The following TEX36 variants were observed in gnomAD, a reference collection of about 807,000 sequenced individuals.
The protein encoded by TEX36 is testis expressed 36, also known as testis-expressed protein 36.
A neutral mutation model predicts 13.6 loss-of-function variants in TEX36; 12 were observed. The observed-to-expected ratio is 0.88, with a 90% CI of 0.56 to 1.43. The LOEUF (loss-of-function observed/expected upper bound fraction) is 1.43, where lower values mean the gene tolerates loss of function less well. TEX36 is among the 40% of genes most tolerant of loss of function. TEX36 has a pLI of 0.00. For missense variants in TEX36, 224 were observed against 228.3 expected, an observed-to-expected ratio of 0.98 and a Z score of 0.12; for synonymous variants, 93 against 83.0, an observed-to-expected ratio of 1.12 and a Z score of -0.65.
intron 3 of TEX36, among the ~76,000 whole-genome samples, chr10:125,642,127 GAAAGGAGAGAAGAGGCAGA>G (rs1846701358): frequency 6.6e-6 from 1 of 152,204 alleles, no homozygotes; most frequent in African/African-American, 2.4e-5. Flanking sequence ...TTTGGGCAGA[GAAAGGAGAGAAGAGGCAGA>G]AGGCTCCACA....
At chr10:125,622,468 C>T (rs937002488) in intron 3 of TEX36, among the ~76,000 whole-genome samples, 7 of 152,188 alleles carry the variant, frequency 4.6e-5, no homozygotes, top group Admixed American at 3.9e-4. Flanking sequence ...TTGATGACTA[C>T]CTTCTTCTAC....
intron 3 of TEX36, among the ~76,000 whole-genome samples, chr10:125,611,506 T>A (rs1380993457): frequency 6.6e-6 from 1 of 152,210 alleles, no homozygotes; most frequent in East Asian, 1.9e-4. Flanking sequence ...TATTTACTTG[T>A]TTTAATGTGT....
chr10:125,600,681 T>C (rs545243484), intron 3 of TEX36, among the ~76,000 whole-genome samples: 2 of 152,302 alleles, frequency 1.3e-5, no homozygotes, highest in South Asian at 2.1e-4. Flanking sequence ...CTCTATGCAA[T>C]GGCCTTTGAG....
chr10:125,625,977 T>C (rs1195492763), intron 3 of TEX36, among the ~76,000 whole-genome samples: 1 of 152,156 alleles, frequency 6.6e-6, no homozygotes, highest in Non-Finnish European at 1.5e-5. Flanking sequence ...AAGGAGGCAT[T>C]ACCCATCACC....
intron 3 of TEX36, 53 bp from the exon 4 acceptor site, chr10:125,656,249 C>CTTTTTTT (rs66461124): frequency 5.3e-5 from 14 of 262,644 alleles, no homozygotes; most frequent in Admixed American, 1.0e-4. Context: ...TCACATAGTT[C>CTTTTTTT]TTTTTTTTTT....
intron 3 of TEX36, among the ~76,000 whole-genome samples, chr10:125,630,138 C>T (rs945428263): frequency 2.6e-5 from 4 of 152,190 alleles, no homozygotes; most frequent in African/African-American, 7.2e-5. Context: ...TCAATGTGCT[C>T]ATATTTAATG....
chr10:125,679,240 C>G (rs1847359270), intron 1 of TEX36, among the ~76,000 whole-genome samples: 1 of 151,698 alleles, frequency 6.6e-6, no homozygotes, highest in African/African-American at 2.4e-5. Flanking sequence ...GCACCAGCAG[C>G]TGCAGCTGCA....
chr10:125,637,308 CAA>C (rs758842533), intron 3 of TEX36, among the ~76,000 whole-genome samples: 31 of 99,258 alleles, frequency 3.1e-4, no homozygotes, highest in Non-Finnish European at 2.1e-4. Context: ...GACCCTGTCT[CAA>C]AAAAAAAAAA....
chr10:125,625,720 A>G (rs1321645852), intron 3 of TEX36, among the ~76,000 whole-genome samples: 2 of 152,282 alleles, frequency 1.3e-5, no homozygotes, highest in South Asian at 4.1e-4. Context: ...AGCAAGGAAC[A>G]GAACGTTGCC....
chr10:125,657,291 T>C (rs1846962957), intron 3 of TEX36, among the ~76,000 whole-genome samples: 1 of 152,106 alleles, frequency 6.6e-6, no homozygotes, highest in East Asian at 1.9e-4. Flanking sequence ...TACATACGTG[T>C]GGGTGTGTGT....
At chr10:125,608,374 A>G (rs1846241856) in intron 3 of TEX36, among the ~76,000 whole-genome samples, 1 of 152,246 alleles carries the variant, frequency 6.6e-6, no homozygotes, top group Non-Finnish European at 1.5e-5. Context: ...ATTGTAACTT[A>G]GTAAACTGAC....
intron 3 of TEX36, among the ~76,000 whole-genome samples, chr10:125,623,514 G>A (rs767485651): frequency 7.4e-5 from 11 of 149,548 alleles, no homozygotes; most frequent in Non-Finnish European, 1.6e-4. Context: ...GCTCATGACT[G>A]TTTAGTAATA....
rs1042946625 is a variant in TEX36 at position 125,585,520 on chromosome 10, A to T, written c.265-8646T>A. Among the ~76,000 whole-genome samples, 15 of 151,542 alleles carry T rather than the reference A, an allele frequency of 9.9e-5. No individual in the cohort carries two copies. In the East Asian group the frequency reaches 1.6e-3, roughly 16 times the overall value. Reference sequence around the variant, plus strand: ...CCCAAGGTGGATCAAAGAAACTAGAACTCCTCTACCCCAAAGCTAGCCATA... The same window carrying T: ...CCCAAGGTGGATCAAAGAAACTAGATCTCCTCTACCCCAAAGCTAGCCATA... On this transcript the variant is annotated intron_variant, in intron 3 of 3. Coordinates refer to the TEX36 transcript ENST00000532135.
In TEX36 at chr10:125,629,553, G is replaced by A. The variant is rs1037893040; in HGVS notation, c.265-7908C>T. On this transcript the variant is annotated intron_variant, in intron 3 of 3. Coordinates refer to the TEX36 transcript ENST00000526819. ...GTAAATAGCACATCTGCATTCATTC[G>A]GTGATATAAAGTCAGGAAATGTTTA... is the stretch of plus-strand genomic sequence containing the variant. 6.6e-5 allele frequency among the ~76,000 whole-genome samples: 10 copies of A among 151,838 alleles called. No homozygotes were observed. In the South Asian group the frequency reaches 8.4e-4, roughly 13 times the overall value.
intron 3 of TEX36, among the ~76,000 whole-genome samples, chr10:125,642,796 G>T (rs1238627736): frequency 1.3e-5 from 2 of 152,200 alleles, no homozygotes; most frequent in Non-Finnish European, 2.9e-5. Flanking sequence ...CCAGGCCTCA[G>T]ACAAGAGGTC....
chr10:125,603,268 G>A (rs1435055877), intron 3 of TEX36, among the ~76,000 whole-genome samples: 1 of 152,172 alleles, frequency 6.6e-6, no homozygotes, highest in Non-Finnish European at 1.5e-5. Flanking sequence ...TTTCCACTTT[G>A]ATTTCTCCGA....
intron 3 of TEX36, among the ~76,000 whole-genome samples, chr10:125,599,574 C>A (rs1376997553): frequency 6.6e-6 from 1 of 152,162 alleles, no homozygotes; most frequent in Non-Finnish European, 1.5e-5. Context: ...ATGGAAATTG[C>A]CCATCTGCTT....
intron 3 of TEX36, among the ~76,000 whole-genome samples, chr10:125,640,526 G>C (rs1197623559): frequency 3.3e-5 from 5 of 152,174 alleles, no homozygotes; most frequent in African/African-American, 1.2e-4. Flanking sequence ...GCCATAACAT[G>C]TTTACTTAAA....
chr10:125,621,579 G>A (rs1311753140), downstream of TEX36: 1 of 455,944 alleles, frequency 2.2e-6, no homozygotes, highest in Non-Finnish European at 4.4e-6. Flanking sequence ...TGTATAAAAT[G>A]GAGTTTTTTA....
Sources: allele counts gnomAD v4.1 joint callset (sites outside exome capture counted in the v4.1 genomes callset), GRCh38; gene constraint gnomAD v4.1.1; transcripts MANE v1.5; gene names NCBI Gene and HGNC (gene_info 2026-07-23, HGNC 2026-07-21).